Variants in NKAIN2 observed in about 807,000 individuals in gnomAD.
NKAIN2 encodes the protein sodium/potassium-transporting ATPase subunit beta-1-interacting protein 2.
In NKAIN2, 14 loss-of-function variants were observed where a neutral mutation model predicts 32.6. That is an observed-to-expected ratio of 0.43 (90% CI 0.28 to 0.67). The LOEUF (loss-of-function observed/expected upper bound fraction) is 0.67, where lower values mean the gene tolerates loss of function less well. NKAIN2 is among the 30% of genes least tolerant of loss of function. The pLI is 0.17. For synonymous variants in NKAIN2, 80 were observed against 87.2 expected (o/e 0.92, Z 0.46); for missense variants, 198 against 258.3 (o/e 0.77, Z 1.60).
intron 5 of NKAIN2, among the ~76,000 whole-genome samples, chr6:124,806,556 G>A (rs924756597): frequency 9.2e-5 from 14 of 151,940 alleles, no homozygotes; most frequent in Admixed American, 2.6e-4. Flanking sequence ...AAAGACCATC[G>A]AGACTAGGAA....
chr6:124,553,019 C>A (rs1266242203), intron 3 of NKAIN2, among the ~76,000 whole-genome samples: 1 of 152,086 alleles, frequency 6.6e-6, no homozygotes, highest in Non-Finnish European at 1.5e-5. Context: ...AAGGGAAAAA[C>A]AAAACTTTCC....
chr6:124,208,696 C>A (rs1428245071), intron 1 of NKAIN2, among the ~76,000 whole-genome samples: 1 of 150,804 alleles, frequency 6.6e-6, no homozygotes, highest in East Asian at 1.9e-4. Flanking sequence ...TTGTATTTTT[C>A]TGGTTTTCTA....
chr6:123,923,909 T>C (rs1200271396), intron 1 of NKAIN2, among the ~76,000 whole-genome samples: 1 of 150,630 alleles, frequency 6.6e-6, no homozygotes, highest in East Asian at 2.0e-4. Context: ...ACCTGCACAA[T>C]GTGCACATGT....
At chr6:124,178,774 C>T (rs1469873042) in intron 1 of NKAIN2, among the ~76,000 whole-genome samples, 1 of 152,202 alleles carries the variant, frequency 6.6e-6, no homozygotes, top group Non-Finnish European at 1.5e-5. Context: ...TGGCTCTAGG[C>T]TCTATGCTTC....
At chr6:124,484,957 A>C (rs1196904976) in intron 3 of NKAIN2, among the ~76,000 whole-genome samples, 1 of 152,118 alleles carries the variant, frequency 6.6e-6, no homozygotes, top group African/African-American at 2.4e-5. Flanking sequence ...TGCATAATAA[A>C]AAAAAGAGCC....
chr6:123,821,864 T>G (rs1225169748), intron 1 of NKAIN2, among the ~76,000 whole-genome samples: 1 of 152,110 alleles, frequency 6.6e-6, no homozygotes, highest in Non-Finnish European at 1.5e-5. Flanking sequence ...CTAGTAAGAG[T>G]AGCAGGGGAT....
chr6:124,648,889 C>T (rs1021598729), intron 3 of NKAIN2, among the ~76,000 whole-genome samples: 1 of 152,104 alleles, frequency 6.6e-6, no homozygotes, highest in African/African-American at 2.4e-5. Flanking sequence ...TTCTAAATAG[C>T]ACATGGGTCA....
chr6:124,103,690 GT>G (rs933579359), intron 1 of NKAIN2, among the ~76,000 whole-genome samples: 2 of 152,184 alleles, frequency 1.3e-5, no homozygotes, highest in South Asian at 4.2e-4. Flanking sequence ...GCATTAAAAG[GT>G]TTTTTTGTAA....
chr6:123,914,333 G>C (rs1775381966), intron 1 of NKAIN2, among the ~76,000 whole-genome samples: 1 of 151,932 alleles, frequency 6.6e-6, no homozygotes, highest in East Asian at 1.9e-4. Flanking sequence ...AGATGAGAGA[G>C]AGGGAAAAAG....
chr6:124,391,889 G>T (rs1446152427), intron 3 of NKAIN2, among the ~76,000 whole-genome samples: 1 of 151,978 alleles, frequency 6.6e-6, no homozygotes, highest in Admixed American at 6.6e-5. Flanking sequence ...GGATTCTATT[G>T]GTTACTAATC....
chr6:124,037,551 T>A (rs946668532), intron 1 of NKAIN2, among the ~76,000 whole-genome samples: 10 of 152,138 alleles, frequency 6.6e-5, no homozygotes, highest in African/African-American at 2.4e-4. Context: ...TCTAACAAAT[T>A]AAATTCGGTC....
intron 1 of NKAIN2, among the ~76,000 whole-genome samples, chr6:124,034,910 C>G (rs759252839): frequency 6.6e-6 from 1 of 151,878 alleles, no homozygotes; most frequent in Non-Finnish European, 1.5e-5. Context: ...GGCCACTTGT[C>G]TGTCTTTTGA....
intron 1 of NKAIN2, among the ~76,000 whole-genome samples, chr6:123,981,576 G>C (rs1778899279): frequency 6.6e-6 from 1 of 152,154 alleles, no homozygotes; most frequent in Non-Finnish European, 1.5e-5. Context: ...CAAAGAGGGA[G>C]AGCAAGACCA....
chr6:123,924,026 C>A (rs1775894072), intron 1 of NKAIN2, among the ~76,000 whole-genome samples: 1 of 151,574 alleles, frequency 6.6e-6, no homozygotes, highest in Non-Finnish European at 1.5e-5. Context: ...TATTAGGAAT[C>A]TTTAAAAATA....
At chr6:124,528,935 G>A (rs1365068009) in intron 3 of NKAIN2, among the ~76,000 whole-genome samples, 1 of 152,102 alleles carries the variant, frequency 6.6e-6, no homozygotes, top group African/African-American at 2.4e-5. Flanking sequence ...GTTTCAGTTA[G>A]AAACATTTAT....
chr6:124,025,448 T>G (rs1288152468), intron 1 of NKAIN2, among the ~76,000 whole-genome samples: 1 of 119,836 alleles, frequency 8.3e-6, no homozygotes, highest in Non-Finnish European at 1.7e-5. Flanking sequence ...TGAGAAGCAA[T>G]GAATGGAAAG....
At chr6:124,760,634 G>T (rs568899120) in intron 4 of NKAIN2, among the ~76,000 whole-genome samples, 13 of 152,050 alleles carry the variant, frequency 8.5e-5, no homozygotes, top group African/African-American at 2.9e-4. Context: ...ATTAATAAGT[G>T]TCTCCTGCAG....
chr6:124,001,082 C>G (rs922955405), intron 1 of NKAIN2, among the ~76,000 whole-genome samples: 3 of 152,000 alleles, frequency 2.0e-5, no homozygotes, highest in African/African-American at 7.2e-5. Context: ...TGTGAAAAAC[C>G]ATCTTTTCAG....
chr6:124,575,851 G>T (rs1781312691), intron 3 of NKAIN2, among the ~76,000 whole-genome samples: 4 of 152,124 alleles, frequency 2.6e-5, no homozygotes, highest in Admixed American at 2.6e-4. Context: ...ACCTATTTAG[G>T]AGGTCTGTGA....
Sources: gnomAD v4.1 joint callset for allele counts (sites outside exome capture counted in the v4.1 genomes callset) on GRCh38, gnomAD v4.1.1 for gene constraint, MANE v1.5 for transcripts, NCBI Gene and HGNC (gene_info 2026-07-23, HGNC 2026-07-21) for gene names.